The following PPP1R12A variants were observed in gnomAD, a reference collection of about 807,000 sequenced individuals.
The protein encoded by PPP1R12A is myosin binding subunit.
A neutral mutation model predicts 139.6 loss-of-function variants in PPP1R12A; 19 were observed. The ratio of observed to expected loss-of-function variants is 0.14; its 90% CI spans 0.09 to 0.20. The LOEUF (loss-of-function observed/expected upper bound fraction) is 0.20, where lower values mean the gene tolerates loss of function less well. Among genes scored for constraint, PPP1R12A ranks in the 10% least tolerant of loss-of-function variants. The pLI, the probability that PPP1R12A is intolerant of heterozygous loss-of-function variation, is 1.00. For missense variants in PPP1R12A, 925 were observed against 1,211.5 expected (o/e 0.76, Z 3.51); for synonymous variants, 427 against 420.6 (o/e 1.02, Z -0.19).
intron 2 of PPP1R12A, among the ~76,000 whole-genome samples, chr12:79,851,898 T>C (rs1690099352): frequency 6.6e-6 from 1 of 152,230 alleles, no homozygotes; most frequent in African/African-American, 2.4e-5. Context: ...TCCTCCATTC[T>C]GCTACTGAGC....
At chr12:79,841,388 T>C (rs563161151) in intron 3 of PPP1R12A, among the ~76,000 whole-genome samples, 1 of 152,250 alleles carries the variant, frequency 6.6e-6, no homozygotes, top group Non-Finnish European at 1.5e-5. Context: ...TATATTTTAA[T>C]ACATAGCACA....
intron 1 of PPP1R12A, among the ~76,000 whole-genome samples, chr12:79,905,975 T>C (rs1334194078): frequency 1.3e-5 from 2 of 152,198 alleles, no homozygotes; most frequent in East Asian, 1.9e-4. Context: ...AGTGGTTTAA[T>C]ACATTCCTTC....
chr12:79,796,111 T>TG (rs1872480655), intron 17 of PPP1R12A, among the ~76,000 whole-genome samples: 1 of 152,046 alleles, frequency 6.6e-6, no homozygotes, highest in Non-Finnish European at 1.5e-5. Context: ...AGCTGGAAAT[T>TG]GGGAAAAAAC....
At chr12:79,844,337 T>G (rs551184451) in intron 3 of PPP1R12A, among the ~76,000 whole-genome samples, 3 of 152,266 alleles carry the variant, frequency 2.0e-5, no homozygotes, top group Admixed American at 2.0e-4. Context: ...GCCCTAATAT[T>G]TCCCTATAAA....
intron 1 of PPP1R12A, among the ~76,000 whole-genome samples, chr12:79,874,293 A>C (rs558314530): frequency 6.6e-6 from 1 of 152,214 alleles, no homozygotes; most frequent in African/African-American, 2.4e-5. Context: ...AAAAAAGAAA[A>C]GCAATTAACA....
At chr12:79,862,931 A>G (rs1412034308) in intron 2 of PPP1R12A, among the ~76,000 whole-genome samples, 1 of 152,200 alleles carries the variant, frequency 6.6e-6, no homozygotes, top group Non-Finnish European at 1.5e-5. Flanking sequence ...CAACCTAGCA[A>G]GGCAGGCCAA....
At chr12:79,786,014 C>T (rs993641751) in intron 22 of PPP1R12A, among the ~76,000 whole-genome samples, 4 of 152,106 alleles carry the variant, frequency 2.6e-5, no homozygotes, top group Admixed American at 2.6e-4. Flanking sequence ...CTTGAACAAA[C>T]ATAAAATATT....
chr12:79,903,723 C>T (rs1044875288), intron 1 of PPP1R12A, among the ~76,000 whole-genome samples: 38 of 152,098 alleles, frequency 2.5e-4, no homozygotes, highest in Non-Finnish European at 1.3e-4. Flanking sequence ...CGCATAAATG[C>T]TATCTTTTAT....
chr12:79,903,257 C>T lies in PPP1R12A; in HGVS notation c.238-30319G>A, dbSNP rs111570816. On this transcript the variant is annotated intron_variant, in intron 1 of 24. Transcript: ENST00000450142. ...CACAAAGTCAAGAGTTCAAGACCAG[C>T]CTGGCCAACATTGTGAAACCCCATC... 9.7e-3 allele frequency among the ~76,000 whole-genome samples: 1,481 copies of T among 152,164 alleles called. 32 individuals are homozygous for T. Among genetic ancestry groups the T allele is most frequent in the African/African-American group, 0.034 (1,426 of 41,488 alleles).
At chr12:79,812,449 TTGTG>T (rs372835131) in intron 9 of PPP1R12A, among the ~76,000 whole-genome samples, 3 of 133,906 alleles carry the variant, frequency 2.2e-5, no homozygotes, top group East Asian at 4.4e-4. Flanking sequence ...CTGTGTGTGT[TTGTG>T]TGTGTGTGTG....
intron 1 of PPP1R12A, among the ~76,000 whole-genome samples, chr12:79,920,044 T>C (rs1324373762): frequency 1.3e-5 from 2 of 152,206 alleles, no homozygotes; most frequent in South Asian, 2.1e-4. Context: ...ACACCTCTAG[T>C]TTCTGGCAAC....
intron 1 of PPP1R12A, among the ~76,000 whole-genome samples, chr12:79,910,764 GT>G (rs1336246716): frequency 6.6e-6 from 1 of 152,142 alleles, no homozygotes; most frequent in Non-Finnish European, 1.5e-5. Flanking sequence ...TAATTTACTA[GT>G]TTAGTGTTAA....
intron 1 of PPP1R12A, among the ~76,000 whole-genome samples, chr12:79,908,450 T>G (rs1886302965): frequency 6.6e-6 from 1 of 152,230 alleles, no homozygotes; most frequent in Non-Finnish European, 1.5e-5. Flanking sequence ...AGTCTTTTCA[T>G]TTTTTATCTC....
At chr12:79,931,162 G>A (rs1486913349) in intron 1 of PPP1R12A, among the ~76,000 whole-genome samples, 2 of 152,124 alleles carry the variant, frequency 1.3e-5, no homozygotes, top group South Asian at 4.1e-4. Context: ...ACGGATAAAC[G>A]TAAAATTATA....
chr12:79,884,847 T>C (rs1428526764), intron 1 of PPP1R12A, among the ~76,000 whole-genome samples: 1 of 152,178 alleles, frequency 6.6e-6, no homozygotes, highest in East Asian at 1.9e-4. Context: ...TTCAAGTACA[T>C]AAAACTTTAG....
intron 14 of PPP1R12A, among the ~76,000 whole-genome samples, chr12:79,803,313 A>G (rs1186432207): frequency 6.6e-6 from 1 of 152,172 alleles, no homozygotes. Flanking sequence ...TAATTTATAT[A>G]TTTTATGTAC....
chr12:79,909,997 G>A (rs994993658), intron 1 of PPP1R12A, among the ~76,000 whole-genome samples: 17 of 151,332 alleles, frequency 1.1e-4, no homozygotes, highest in Non-Finnish European at 2.1e-4. Flanking sequence ...ACCCCGCCCA[G>A]CCTGTCATAT....
chr12:79,809,072 A>C (rs908446257), intron 10 of PPP1R12A, among the ~76,000 whole-genome samples: 3 of 152,112 alleles, frequency 2.0e-5, no homozygotes, highest in Non-Finnish European at 2.9e-5. Context: ...AGTGACAATG[A>C]CACTCTGATA....
intron 20 of PPP1R12A, chr12:79,789,780 T>A (rs1871588424): frequency 4.9e-5 from 1 of 20,210 alleles, no homozygotes; most frequent in Non-Finnish European, 2.9e-4. Flanking sequence ...AGGTGACACT[T>A]TTTTTTTTTT....
Sources: gnomAD v4.1 joint callset for allele counts (sites outside exome capture counted in the v4.1 genomes callset) on GRCh38, gnomAD v4.1.1 for gene constraint, MANE v1.5 for transcripts, NCBI Gene and HGNC (gene_info 2026-07-23, HGNC 2026-07-21) for gene names.